Variants in BRCA1 observed in about 807,000 individuals in gnomAD.
BRCA1 encodes BRCA1 DNA repair associated.
In BRCA1, 140 loss-of-function variants were observed where a neutral mutation model predicts 173.7. The ratio of observed to expected loss-of-function variants is 0.81; its 90% CI spans 0.70 to 0.93. BRCA1 has a LOEUF of 0.93. BRCA1 is among the 40% of genes least tolerant of loss of function. The pLI is 0.00. For synonymous variants in BRCA1, 662 were observed against 756.0 expected, an observed-to-expected ratio of 0.88 and a Z score of 2.04; for missense variants, 1,983 against 2,172.5, an observed-to-expected ratio of 0.91 and a Z score of 1.73.
intron 11 of BRCA1, among the ~76,000 whole-genome samples, chr17:43,085,894 C>A (rs2053211175): frequency 6.6e-6 from 1 of 151,996 alleles, no homozygotes; most frequent in East Asian, 1.9e-4. Flanking sequence ...TGAGTTAAAA[C>A]TATTTCTAAT....
intron 14 of BRCA1, 97 bp from the exon 15 acceptor site, chr17:43,071,335 G>A (rs2052436515): frequency 7.1e-7 from 1 of 1,410,898 alleles, no homozygotes; most frequent in South Asian, 1.2e-5. Context: ...ATAAAGTTAG[G>A]TTAAGAGAAA....
chr17:43,104,721 A>G (rs1555596577), intron 5 of BRCA1, 147 bp downstream of exon 5: 2 of 734,308 alleles, frequency 2.7e-6, no homozygotes, highest in Non-Finnish European at 4.7e-6. Context: ...AGTGGGAGTA[A>G]TTTTTTAAAA....
At chr17:43,055,467 G>A (rs1355338444) in intron 19 of BRCA1, among the ~76,000 whole-genome samples, 1 of 149,290 alleles carries the variant, frequency 6.7e-6, no homozygotes, top group Non-Finnish European at 1.5e-5. Flanking sequence ...GGCCAACATG[G>A]CAAAACCCCA....
chr17:43,093,611 T>A lies in BRCA1; in HGVS notation c.1920A>T (p.Gln640His), dbSNP rs587782843. 2.5e-6 allele frequency: 4 copies of A among 1,613,972 alleles called. No homozygotes were observed. The African/African-American group carries it at 4.0e-5, about 16-fold the overall frequency. ...NLSPPNCTELQIDSCSSSEEI... is the reference protein window; with the variant it reads ...NLSPPNCTELHIDSCSSSEEI... ...CTTCACTGCTAGAACAACTATCAAT[T>A]TGCAATTCAGTACAATTAGGTGGGC... The change falls in exon 10 of 23, where the codon CAA becomes CAT. Residue 640 changes from glutamine (Q) to histidine (H), a missense_variant. By Grantham distance (24) the Gln-to-His change is conservative. Coordinates refer to ENST00000357654, the MANE Select transcript of BRCA1 (RefSeq NM_007294.4).
intron 12 of BRCA1, 73 bp downstream of exon 12, chr17:43,082,331 A>C (rs2053034107): frequency 6.7e-7 from 1 of 1,487,602 alleles, no homozygotes; most frequent in African/African-American, 1.4e-5. Context: ...CTAGGTCCTT[A>C]CTCTTCAGAA....
At chr17:43,126,783 C>T (rs980627722), upstream of BRCA1, among the ~76,000 whole-genome samples, 4 of 152,202 alleles carry the variant, frequency 2.6e-5, no homozygotes, top group African/African-American at 9.6e-5. Flanking sequence ...GTGGGGGCCC[C>T]TCTCTGGGCT....
chr17:43,051,921 C>T (rs952003272), intron 19 of BRCA1, among the ~76,000 whole-genome samples: 1 of 152,156 alleles, frequency 6.6e-6, no homozygotes, highest in Non-Finnish European at 1.5e-5. Flanking sequence ...AGGCATAAGC[C>T]ACTGCGCCCG....
chr17:43,124,195 A>T, intron 1 of BRCA1, 80 bp from the exon 2 acceptor site: 1 of 862,804 alleles, frequency 1.2e-6, no homozygotes, highest in Middle Eastern at 3.5e-4. Flanking sequence ...TCATTTTAAA[A>T]TAAAGTAAAT....
upstream of BRCA1, among the ~76,000 whole-genome samples, chr17:43,130,219 T>C (rs1456659095): frequency 6.6e-6 from 1 of 152,194 alleles, no homozygotes; most frequent in Non-Finnish European, 1.5e-5. Flanking sequence ...TCCGGCTTTG[T>C]TGCCCAGGCT....
intron 1 of BRCA1, among the ~76,000 whole-genome samples, chr17:43,135,333 A>G (rs1328850755): frequency 6.6e-6 from 1 of 152,260 alleles, no homozygotes; most frequent in East Asian, 1.9e-4. Flanking sequence ...ACAGGCCTGC[A>G]AGAACTTTCT....
intron 2 of BRCA1, chr17:43,119,313 T>G (rs2055440804): frequency 9.1e-6 from 2 of 220,272 alleles, no homozygotes; most frequent in African/African-American, 4.5e-5. Context: ...GAAAAGCTTG[T>G]GGACAGTAAC....
At chr17:43,149,871 C>T (rs2056149852) in intron 1 of BRCA1, among the ~76,000 whole-genome samples, 1 of 152,130 alleles carries the variant, frequency 6.6e-6, no homozygotes, top group African/African-American at 2.4e-5. Context: ...TCACTGCATC[C>T]TCCGCCTCCT....
chr17:43,049,267 C>A (rs2051104332), intron 20 of BRCA1, 73 bp from the exon 21 acceptor site: 2 of 1,363,418 alleles, frequency 1.5e-6, no homozygotes, highest in East Asian at 2.3e-5. Context: ...ACCCTACACT[C>A]TCCGGATGAA....
intron 11 of BRCA1, among the ~76,000 whole-genome samples, chr17:43,086,109 TACACACACACACACACAC>T (rs376686434): frequency 7.3e-6 from 1 of 137,358 alleles, no homozygotes; most frequent in Non-Finnish European, 1.6e-5. Flanking sequence ...ATCACATACA[TACACACACACACACACAC>T]ACACACACAC....
chr17:43,154,673 G>A (rs922178372), intron 1 of BRCA1, among the ~76,000 whole-genome samples: 1 of 135,952 alleles, frequency 7.4e-6, no homozygotes, highest in African/African-American at 2.5e-5. Context: ...AATATAACAA[G>A]TGTTTATTAA....
At chr17:43,082,862 G>T in intron 11 of BRCA1, 1 of 429,738 alleles carries the variant, frequency 2.3e-6, no homozygotes. Flanking sequence ...TTAAAGCTAG[G>T]GAGTGAAAAA....
chr17:43,064,303 C>T (rs879343938), intron 16 of BRCA1, among the ~76,000 whole-genome samples: 12 of 152,080 alleles, frequency 7.9e-5, no homozygotes, highest in Non-Finnish European at 1.3e-4. Context: ...TTAATGTGGA[C>T]GGAGAACATC....
chr17:43,142,002 C>G lies in BRCA1; in HGVS notation c.-19-17887G>C, dbSNP rs1027928647. ...TCTCGGCTCACTGCAACCTCCGTCTCCTGGGTTCAAGCAATTCTCCCTGCT... is the reference window on the plus strand; with the variant it reads ...TCTCGGCTCACTGCAACCTCCGTCTGCTGGGTTCAAGCAATTCTCCCTGCT... On this transcript the variant is annotated intron_variant, in intron 1 of 7. Coordinates refer to the BRCA1 transcript ENST00000634433. 2.6e-5 allele frequency among the ~76,000 whole-genome samples: 4 copies of G among 152,006 alleles called. No individual in the cohort carries two copies. The East Asian group carries it at 7.8e-4, about 30-fold the overall frequency.
chr17:43,047,156 G>C (rs141292185), intron 22 of BRCA1, among the ~76,000 whole-genome samples: 14 of 152,122 alleles, frequency 9.2e-5, no homozygotes, highest in Non-Finnish European at 2.1e-4. Flanking sequence ...CTGGAGTACA[G>C]TGGTGTGATC....
Sources: allele counts gnomAD v4.1 joint callset (sites outside exome capture counted in the v4.1 genomes callset), GRCh38; gene constraint gnomAD v4.1.1; transcripts MANE v1.5; gene names NCBI Gene and HGNC (gene_info 2026-07-23, HGNC 2026-07-21).